Variants in POLRMT observed in about 807,000 individuals in gnomAD.
POLRMT encodes the protein RNA polymerase mitochondrial.
Under a neutral mutation model 132.2 loss-of-function variants are expected in POLRMT, and 114 were observed. That is an observed-to-expected ratio of 0.86 (90% confidence interval 0.74 to 1.01). POLRMT has a LOEUF of 1.01. Ranked by LOEUF, POLRMT falls within the 50% of genes least tolerant of loss-of-function variation. The pLI is 0.00. For missense variants in POLRMT, 2,003 were observed against 1,729.1 expected (o/e 1.16, Z -2.81); for synonymous variants, 1,020 against 773.4 (o/e 1.32, Z -5.29).
chr19:622,786 C>G, intron 7 of POLRMT, 34 bp from the exon 8 acceptor site: 1 of 1,570,944 alleles, frequency 6.4e-7, no homozygotes, highest in Non-Finnish European at 8.6e-7. Context: ...CTGCCCGCCC[C>G]GCCCGGGGAC....
At chr19:617,536 GA>G in intron 19 of POLRMT, 33 bp downstream of exon 19, 8 of 1,603,540 alleles carry the variant, frequency 5.0e-6, no homozygotes, top group South Asian at 1.1e-5. Context: ...GGTGGGGGGG[GA>G]ATCCAGGTAG....
intron 3 of POLRMT, among the ~76,000 whole-genome samples, chr19:628,115 G>A (rs1015443975): frequency 5.3e-5 from 8 of 152,144 alleles, no homozygotes; most frequent in Non-Finnish European, 1.2e-4. Context: ...CCGGAACGCT[G>A]GGAGAGGCAG....
chr19:622,412 C>T (rs1984686703), intron 8 of POLRMT, 39 bp from the exon 9 acceptor site: 3 of 1,510,518 alleles, frequency 2.0e-6, no homozygotes, highest in African/African-American at 1.4e-5. Context: ...GCACCGGGGC[C>T]CCTGAGCTAG....
At chr19:632,301 G>C (rs1192706592) in intron 2 of POLRMT, among the ~76,000 whole-genome samples, 1 of 152,216 alleles carries the variant, frequency 6.6e-6, no homozygotes, top group South Asian at 2.1e-4. Context: ...ACGCAGACAG[G>C]ATGTGGGACA....
At chr19:619,431 C>T (rs1014604510) in intron 13 of POLRMT, 135 bp from the exon 14 acceptor site, 31 of 1,354,852 alleles carry the variant, frequency 2.3e-5, no homozygotes, top group East Asian at 4.7e-5. Context: ...CTGGCGCCCA[C>T]GCAGTCAGCA....
intron 3 of POLRMT, among the ~76,000 whole-genome samples, chr19:629,111 G>A (rs1568175352): frequency 6.6e-6 from 1 of 152,132 alleles, no homozygotes; most frequent in Non-Finnish European, 1.5e-5. Context: ...GTGCTCAGAG[G>A]GAATGCGGCG....
intron 13 of POLRMT, 114 bp downstream of exon 13, chr19:619,472 T>A (rs550406784): frequency 1.1e-4 from 161 of 1,437,834 alleles, no homozygotes; most frequent in Non-Finnish European, 1.5e-4. Flanking sequence ...AGGCAGCCAG[T>A]GGTCTGGGGG....
rs1984544626 is a variant in POLRMT, at chr19:621,132, G to A, written c.2566C>T (p.Pro856Ser). The A allele has an allele frequency of 1.2e-6, 2 of 1,610,826 alleles. No individual in the cohort carries two copies. The highest frequency in any genetic ancestry group is 1.3e-5 in the African/African-American group (1 of 74,732). The change falls in exon 10 of 21, where the codon CCG becomes TCG. Residue 856 changes from proline to serine, a missense_variant. Pro to Ser is a moderately conservative substitution (Grantham distance 74). Coordinates refer to ENST00000588649, the MANE Select transcript of POLRMT (RefSeq NM_005035.4). ...VNLTGLKKRE[P>S]LRKRLAFAEE... ...GCAAAGGCCAGGCGCTTCCGCAGCGGCTCCCGCTTCTTCAACCCCGTGAGA... is the reference window on the plus strand; with the variant it reads ...GCAAAGGCCAGGCGCTTCCGCAGCGACTCCCGCTTCTTCAACCCCGTGAGA...
intron 3 of POLRMT, among the ~76,000 whole-genome samples, chr19:626,898 C>CACACACACAT (rs371959370): frequency 6.8e-6 from 1 of 146,702 alleles, no homozygotes; most frequent in Non-Finnish European, 1.5e-5. Flanking sequence ...CACACACACA[C>CACACACACAT]ATATATATAT....
rs1022620727 is a variant in POLRMT, at chr19:619,243, T to G, written c.3120A>C (p.Leu1040=). The change falls in exon 14 of 21, where the codon CTA becomes CTC. Residue 1040 remains leucine, a synonymous_variant. Transcript: ENST00000588649. ...HYLVRQVFKS[L]QEMFSGTRAI... The stretch of plus-strand genomic sequence containing the variant: ...CCCGGGTCCCCGAGAACATCTCCTG[T>G]AGACTCTTGAAGACCTGGCGTACGA... 3 of 1,607,488 alleles carry G rather than the reference T, an allele frequency of 1.9e-6. No homozygotes were observed. Among genetic ancestry groups the G allele is most frequent in the Non-Finnish European group, 2.5e-6 (3 of 1,178,428 alleles).
In POLRMT at chr19:629,121, G is replaced by A. The variant is rs149416619; in HGVS notation, c.822+419C>T. 2.1e-3 allele frequency among the ~76,000 whole-genome samples: 325 copies of A among 152,200 alleles called. 2 individuals are homozygous for A. Among genetic ancestry groups the A allele is most frequent in the African/African-American group, 7.5e-3 (312 of 41,516 alleles). On this transcript the variant is annotated intron_variant, in intron 3 of 20. Coordinates refer to ENST00000588649, the MANE Select transcript of POLRMT (RefSeq NM_005035.4). ...AAGCTGTGCTCAGAGGGAATGCGGCGCCAGTGAACACCCACATTTCACACA... is the reference window on the plus strand; with the variant it reads ...AAGCTGTGCTCAGAGGGAATGCGGCACCAGTGAACACCCACATTTCACACA...
intron 10 of POLRMT, 44 bp from the exon 11 acceptor site, chr19:620,531 C>A (rs1259908442): frequency 6.7e-7 from 1 of 1,492,504 alleles, no homozygotes; most frequent in African/African-American, 1.4e-5. Flanking sequence ...CGGGCCCGAT[C>A]CCTGAGCCCG....
chr19:624,811 C>T lies in POLRMT; in HGVS notation c.1048G>A (p.Ala350Thr). 1 of 1,613,492 alleles carries T rather than the reference C, an allele frequency of 6.2e-7. No homozygotes were observed. Among genetic ancestry groups the T allele is most frequent in the South Asian group, 1.1e-5 (1 of 91,090 alleles). ...SEEDRATVLKAVHKVKPTFSL... is the reference protein window; with the variant it reads ...SEEDRATVLKTVHKVKPTFSL... ...AAGGTGGGCTTCACCTTGTGCACGG[C>T]CTTCAGAACAGTGGCCCGATCCTCC... Residue 350 changes from alanine (A) to threonine (T), a missense_variant, in exon 5 of 21, where the codon GCC becomes ACC. Physicochemically the swap from Ala to Thr is moderately conservative, Grantham distance 58. Transcript: ENST00000588649.
At chr19:625,478 T>A (rs1163482506) in intron 3 of POLRMT, 4 of 521,432 alleles carry the variant, frequency 7.7e-6, no homozygotes, top group African/African-American at 2.0e-5. Flanking sequence ...TGTGGGAGGT[T>A]CACGTTCCTC....
chr19:618,534 A>C lies in POLRMT; in HGVS notation c.3376T>G (p.Ser1126Ala). ...KNGFPPNFIH[S>A]LDSSHMMLTA... Reference sequence around the variant, plus strand: ...AGCATCATGTGGGAGGAGTCCAGCGAGTGGATGAAGTTGGGCGGGAAGCCG... The same window carrying C: ...AGCATCATGTGGGAGGAGTCCAGCGCGTGGATGAAGTTGGGCGGGAAGCCG... The change falls in exon 17 of 21, where the codon TCG becomes GCG. Residue 1126 changes from serine to alanine, a missense_variant. Transcript: ENST00000588649. 1.9e-6 allele frequency: 3 copies of C among 1,613,216 alleles called. No homozygotes were observed. The highest frequency in any genetic ancestry group is 2.5e-6 in the Non-Finnish European group (3 of 1,179,514).
chr19:626,246 G>A (rs375331040), intron 3 of POLRMT, among the ~76,000 whole-genome samples: 121 of 151,554 alleles, frequency 8.0e-4, no homozygotes, highest in African/African-American at 2.9e-3. Context: ...CCGCCTCCCG[G>A]GTTCAACCGA....
rs552826830 is a variant in POLRMT at position 627,571 on chromosome 19, C to T, written c.822+1969G>A. 3.3e-5 allele frequency among the ~76,000 whole-genome samples: 5 copies of T among 152,262 alleles called. No individual in the cohort carries two copies. In the South Asian group the frequency reaches 1.0e-3, roughly 32 times the overall value. On this transcript the variant is annotated intron_variant, in intron 3 of 20. Coordinates refer to ENST00000588649, the MANE Select transcript of POLRMT (RefSeq NM_005035.4). ...AGCTTCAAGTGTTCAGTAGCACACA[C>T]AGCTGTTGGCAGATGCGGAAAATTC...
chr19:625,997 G>A (rs994174170), intron 3 of POLRMT, among the ~76,000 whole-genome samples: 2 of 150,878 alleles, frequency 1.3e-5, no homozygotes, highest in Non-Finnish European at 1.5e-5. Context: ...CACCGCGCCC[G>A]GCCATCACCT....
intron 2 of POLRMT, among the ~76,000 whole-genome samples, chr19:631,962 A>G (rs1022295161): frequency 1.3e-5 from 2 of 152,110 alleles, no homozygotes; most frequent in Non-Finnish European, 2.9e-5. Context: ...TTTAGTAGAG[A>G]CAGTGTTTCA....
Sources: gnomAD v4.1 joint callset for allele counts (sites outside exome capture counted in the v4.1 genomes callset) on GRCh38, gnomAD v4.1.1 for gene constraint, MANE v1.5 for transcripts, NCBI Gene and HGNC (gene_info 2026-07-23, HGNC 2026-07-21) for gene names.